PDE4D: variants seen among roughly 807,000 people sequenced by gnomAD.
PDE4D encodes the protein 3',5'-cyclic-AMP phosphodiesterase 4D.
In PDE4D, 24 loss-of-function variants were observed where a neutral mutation model predicts 87.4. That is an observed-to-expected ratio of 0.27 (90% CI 0.20 to 0.39). The LOEUF is 0.39. Ranked by LOEUF, PDE4D falls within the 10% of genes least tolerant of loss-of-function variation. The pLI, the probability that PDE4D is intolerant of heterozygous loss-of-function variation, is 1.00. For missense variants in PDE4D, 714 were observed against 1,041.0 expected (o/e 0.69, Z 4.32); for synonymous variants, 384 against 383.2 (o/e 1.00, Z -0.02).
chr5:59,797,174 G>A (rs1766589648), intron 1 of PDE4D: 1 of 149,254 alleles, frequency 6.7e-6, no homozygotes, highest in African/African-American at 2.4e-5. Context: ...CAGAAGTTGT[G>A]AAGCTGCTGA....
intron 1 of PDE4D, among the ~76,000 whole-genome samples, chr5:59,271,312 T>A (rs1014907935): frequency 6.6e-6 from 1 of 152,158 alleles, no homozygotes; most frequent in Non-Finnish European, 1.5e-5. Context: ...TTGCAGGTAT[T>A]ACAGGAGCAA....
chr5:59,518,190 TG>T (rs1811509487), intron 1 of PDE4D, among the ~76,000 whole-genome samples: 1 of 106,602 alleles, frequency 9.4e-6, no homozygotes, highest in South Asian at 2.5e-4. Context: ...TGTACTTGTG[TG>T]TTTGTGTGTG....
intron 1 of PDE4D, among the ~76,000 whole-genome samples, chr5:59,568,921 T>C (rs1821378317): frequency 6.6e-6 from 1 of 152,094 alleles, no homozygotes; most frequent in Admixed American, 6.5e-5. Context: ...CCAATACTGG[T>C]TCATTCATTG....
At chr5:59,333,605 C>A (rs1166711696) in intron 1 of PDE4D, among the ~76,000 whole-genome samples, 1 of 152,174 alleles carries the variant, frequency 6.6e-6, no homozygotes. Flanking sequence ...AGTTCATTAT[C>A]AGAGCAATTA....
intron 1 of PDE4D, among the ~76,000 whole-genome samples, chr5:59,433,279 T>A (rs1214392471): frequency 6.6e-6 from 1 of 152,090 alleles, no homozygotes; most frequent in Non-Finnish European, 1.5e-5. Context: ...TGGGTAAAAT[T>A]CCAGAGTTTT....
chr5:60,453,540 T>C (rs1035444131), intron 1 of PDE4D, among the ~76,000 whole-genome samples: 5 of 152,172 alleles, frequency 3.3e-5, no homozygotes, highest in African/African-American at 1.2e-4. Context: ...GGGTTTTACA[T>C]TTATATTAGC....
intron 1 of PDE4D, among the ~76,000 whole-genome samples, chr5:60,507,718 A>C (rs1583957233): frequency 1.3e-5 from 2 of 152,328 alleles, no homozygotes; most frequent in East Asian, 3.9e-4. Context: ...CCCCAAATAG[A>C]ATTTAGTATT....
At position 58,974,598 on chromosome 5, in the gene PDE4D, G is replaced by A. The variant is rs574884011; in HGVS notation, c.*66C>T. The A allele has an allele frequency of 1.6e-4, 222 of 1,431,404 alleles. 1 individual carries two copies. In the African/African-American group the frequency reaches 3.0e-3, roughly 19 times the overall value. The allele number at this position is 1,431,404 out of a possible 1,614,324, so 88.7% of individuals were successfully genotyped here. A position where few individuals can be genotyped will look rare whatever the true frequency, so the allele number is the denominator to read the frequency against. On this transcript the variant is annotated 3_prime_UTR_variant, in exon 15 of 15. Transcript: ENST00000340635. ...TGAGGTGTGACCGTGGTTGTGGCAT[G>A]TGACATGCACTTTGGAAACAATTTT... is the stretch of plus-strand genomic sequence containing the variant.
chr5:60,417,686 G>GC (rs1234827409), intron 1 of PDE4D, among the ~76,000 whole-genome samples: 1 of 152,004 alleles, frequency 6.6e-6, no homozygotes, highest in African/African-American at 2.4e-5. Context: ...ATATAAAGAA[G>GC]AATTTTTTTT....
At chr5:60,459,227 A>C (rs2150167715) in intron 1 of PDE4D, among the ~76,000 whole-genome samples, 1 of 152,222 alleles carries the variant, frequency 6.6e-6, no homozygotes, top group East Asian at 1.9e-4. Context: ...ATTAGGAGAT[A>C]ATTTATTTTA....
chr5:59,731,770 A>G (rs1757391227), intron 1 of PDE4D, among the ~76,000 whole-genome samples: 1 of 152,172 alleles, frequency 6.6e-6, no homozygotes, highest in Non-Finnish European at 1.5e-5. Flanking sequence ...CTTTGCTTAC[A>G]AAATACTTTT....
intron 2 of PDE4D, among the ~76,000 whole-genome samples, chr5:60,152,028 A>G (rs1255401888): frequency 6.6e-6 from 1 of 152,196 alleles, no homozygotes; most frequent in Non-Finnish European, 1.5e-5. Flanking sequence ...TAATCCTACC[A>G]TTAATGTGAT....
At chr5:60,232,686 T>A (rs1253595949) in intron 1 of PDE4D, among the ~76,000 whole-genome samples, 1 of 151,908 alleles carries the variant, frequency 6.6e-6, no homozygotes, top group African/African-American at 2.4e-5. Flanking sequence ...AGCATTTTCA[T>A]AGCAGTCAGT....
intron 1 of PDE4D, among the ~76,000 whole-genome samples, chr5:60,272,889 G>A (rs16877816): frequency 0.027 from 4,129 of 152,274 alleles, 68 homozygotes; most frequent in South Asian, 0.089. Flanking sequence ...ACTGAGCACT[G>A]TGATAAACAG....
At chr5:59,462,702 T>A (rs1800957150) in intron 1 of PDE4D, among the ~76,000 whole-genome samples, 1 of 152,180 alleles carries the variant, frequency 6.6e-6, no homozygotes, top group Non-Finnish European at 1.5e-5. Flanking sequence ...GAAGTTGGGC[T>A]GGGCTGGTAA....
intron 3 of PDE4D, among the ~76,000 whole-genome samples, chr5:59,945,646 A>G (rs1182334395): frequency 6.6e-6 from 1 of 152,190 alleles, no homozygotes; most frequent in Non-Finnish European, 1.5e-5. Context: ...CCTTTCTAAC[A>G]TTTGCGTGTC....
chr5:60,000,145 A>G (rs911456306), intron 2 of PDE4D, among the ~76,000 whole-genome samples: 2 of 152,182 alleles, frequency 1.3e-5, no homozygotes, highest in African/African-American at 4.8e-5. Flanking sequence ...AGGAGATGAT[A>G]GAAAGAGAGA....
chr5:59,961,850 T>C (rs561239390), intron 3 of PDE4D, among the ~76,000 whole-genome samples: 3 of 152,298 alleles, frequency 2.0e-5, no homozygotes, highest in Non-Finnish European at 2.9e-5. Context: ...TCTGCTTGCA[T>C]AAGTACCTGC....
intron 3 of PDE4D, chr5:59,986,823 T>G (rs1762497314): frequency 6.6e-6 from 1 of 152,154 alleles, no homozygotes; most frequent in African/African-American, 2.4e-5. Context: ...AGGCAGAGGG[T>G]ACCTAAGTGA....
Sources: gnomAD v4.1 joint callset for allele counts (sites outside exome capture counted in the v4.1 genomes callset) on GRCh38, gnomAD v4.1.1 for gene constraint, MANE v1.5 for transcripts, NCBI Gene and HGNC (gene_info 2026-07-23, HGNC 2026-07-21) for gene names.